Variants in KCNMA1 observed in about 807,000 individuals in gnomAD.
KCNMA1 encodes the protein potassium calcium-activated channel subfamily M alpha 1.
A neutral mutation model predicts 140.0 loss-of-function variants in KCNMA1; 29 were observed. The ratio of observed to expected loss-of-function variants is 0.21; its 90% CI spans 0.15 to 0.28. The LOEUF is 0.28. Ranked by LOEUF, KCNMA1 falls within the 10% of genes least tolerant of loss-of-function variation. The probability of loss-of-function intolerance (pLI) is 1.00; values close to 1 mark genes in which losing one functional copy is unlikely to be tolerated. For synonymous variants in KCNMA1, 612 were observed against 611.9 expected, an observed-to-expected ratio of 1.00 and a Z score of 0.00; for missense variants, 880 against 1,602.2, an observed-to-expected ratio of 0.55 and a Z score of 7.70.
At chr10:77,184,251 ACT>A (rs1170116240) in intron 4 of KCNMA1, among the ~76,000 whole-genome samples, 1 of 152,006 alleles carries the variant, frequency 6.6e-6, no homozygotes, top group African/African-American at 2.4e-5. Context: ...ATGGAGTCTT[ACT>A]CTGTTGCCCA....
intron 19 of KCNMA1, among the ~76,000 whole-genome samples, chr10:76,984,426 G>A (rs2080584050): frequency 6.6e-6 from 1 of 152,086 alleles, no homozygotes; most frequent in South Asian, 2.1e-4. Context: ...CTAACCTCAA[G>A]TGATCTGCCC....
chr10:77,469,165 A>G (rs367798244), intron 1 of KCNMA1, among the ~76,000 whole-genome samples: 1 of 152,092 alleles, frequency 6.6e-6, no homozygotes, highest in East Asian at 1.9e-4. Flanking sequence ...CTCTCCACCC[A>G]ATACCTTCAA....
At chr10:77,161,496 T>C (rs2098554122) in intron 5 of KCNMA1, among the ~76,000 whole-genome samples, 1 of 152,174 alleles carries the variant, frequency 6.6e-6, no homozygotes, top group African/African-American at 2.4e-5. Context: ...CTTCCTGCCC[T>C]GGCCTCCCAA....
intron 18 of KCNMA1, among the ~76,000 whole-genome samples, chr10:77,004,346 C>G (rs1004983844): frequency 6.6e-6 from 1 of 152,002 alleles, no homozygotes; most frequent in African/African-American, 2.4e-5. Flanking sequence ...CTTCATGAAT[C>G]AGAATGTCTA....
intron 9 of KCNMA1, among the ~76,000 whole-genome samples, chr10:77,101,345 C>T (rs1199465399): frequency 6.6e-6 from 1 of 152,132 alleles, no homozygotes; most frequent in Non-Finnish European, 1.5e-5. Context: ...TTCCCTGTTC[C>T]CAAGAAGTTT....
chr10:77,088,629 G>A (rs1378458217), intron 10 of KCNMA1, among the ~76,000 whole-genome samples: 1 of 151,310 alleles, frequency 6.6e-6, no homozygotes, highest in Non-Finnish European at 1.5e-5. Flanking sequence ...GGGTCTCACT[G>A]TGTTGCCCAA....
chr10:77,384,268 G>C (rs2095527948), intron 2 of KCNMA1, among the ~76,000 whole-genome samples: 1 of 152,202 alleles, frequency 6.6e-6, no homozygotes, highest in Admixed American at 6.5e-5. Context: ...CACCTATGCA[G>C]CTGCACAGGC....
At chr10:76,916,071 C>T (rs1229682744) in intron 23 of KCNMA1, among the ~76,000 whole-genome samples, 1 of 151,990 alleles carries the variant, frequency 6.6e-6, no homozygotes, top group Non-Finnish European at 1.5e-5. Flanking sequence ...TATACATATA[C>T]ATACACACAA....
chr10:77,332,677 T>A (rs190494140), intron 2 of KCNMA1, among the ~76,000 whole-genome samples: 2 of 152,052 alleles, frequency 1.3e-5, no homozygotes, highest in Non-Finnish European at 2.9e-5. Context: ...TTTGCAGTGG[T>A]AGGGAACTAG....
chr10:77,200,471 CT>C (rs2042100625), intron 3 of KCNMA1, among the ~76,000 whole-genome samples: 1 of 152,146 alleles, frequency 6.6e-6, no homozygotes, highest in Non-Finnish European at 1.5e-5. Flanking sequence ...GGAAATACCC[CT>C]TCTTCAGGGC....
intron 19 of KCNMA1, among the ~76,000 whole-genome samples, chr10:76,999,961 G>A (rs548777401): frequency 5.3e-5 from 8 of 152,094 alleles, no homozygotes; most frequent in Admixed American, 2.0e-4. Flanking sequence ...GTGAAGTCCC[G>A]GTTCCCTGAG....
At chr10:77,541,478 G>C (rs1297231026) in intron 1 of KCNMA1, among the ~76,000 whole-genome samples, 1 of 152,032 alleles carries the variant, frequency 6.6e-6, no homozygotes, top group African/African-American at 2.4e-5. Context: ...GAGAAGTTAG[G>C]TTACTTGTTC....
chr10:77,482,620 A>G (rs953410264), intron 1 of KCNMA1, among the ~76,000 whole-genome samples: 1 of 152,076 alleles, frequency 6.6e-6, no homozygotes, highest in Non-Finnish European at 1.5e-5. Flanking sequence ...AGCCACATGT[A>G]ACCTTCACAG....
chr10:77,325,460 G>T (rs1348041789), intron 2 of KCNMA1, among the ~76,000 whole-genome samples: 2 of 152,154 alleles, frequency 1.3e-5, no homozygotes, highest in Non-Finnish European at 2.9e-5. Context: ...CTGGGCTTTG[G>T]GCTACAGCTT....
At chr10:77,599,052 C>G (rs1348057292) in intron 1 of KCNMA1, among the ~76,000 whole-genome samples, 1 of 152,214 alleles carries the variant, frequency 6.6e-6, no homozygotes, top group Non-Finnish European at 1.5e-5. Context: ...CAAGGGTGCT[C>G]TAACCTCTGA....
At chr10:77,265,146 G>A (rs1033357804) in intron 2 of KCNMA1, among the ~76,000 whole-genome samples, 3 of 151,220 alleles carry the variant, frequency 2.0e-5, no homozygotes, top group African/African-American at 7.3e-5. Context: ...CTGCCTCCCA[G>A]GTTCAAGTGA....
chr10:77,300,994 A>C (rs572349463), intron 2 of KCNMA1, among the ~76,000 whole-genome samples: 1 of 152,280 alleles, frequency 6.6e-6, no homozygotes, highest in African/African-American at 2.4e-5. Context: ...AGCTCCCCAG[A>C]TGGTTGTAAC....
At chr10:77,609,814 G>A (rs1229404922) in intron 1 of KCNMA1, among the ~76,000 whole-genome samples, 2 of 151,844 alleles carry the variant, frequency 1.3e-5, no homozygotes, top group Non-Finnish European at 2.9e-5. Flanking sequence ...AGGAAGTCAG[G>A]GCTCAAGTTT....
At chr10:77,632,205 T>C (rs905378749) in intron 1 of KCNMA1, among the ~76,000 whole-genome samples, 2 of 152,168 alleles carry the variant, frequency 1.3e-5, no homozygotes, top group Non-Finnish European at 2.9e-5. Context: ...CTGCTGATTT[T>C]TTTTCACAAG....
Sources: gnomAD v4.1 joint callset for allele counts (sites outside exome capture counted in the v4.1 genomes callset) on GRCh38, gnomAD v4.1.1 for gene constraint, MANE v1.5 for transcripts, NCBI Gene and HGNC (gene_info 2026-07-23, HGNC 2026-07-21) for gene names.